The following PDZD2 variants were observed in gnomAD, a reference collection of about 807,000 sequenced individuals.
The protein encoded by PDZD2 is PDZ domain containing 2.
Under a neutral mutation model 220.7 loss-of-function variants are expected in PDZD2, and 90 were observed. The ratio of observed to expected loss-of-function variants is 0.41; its 90% CI spans 0.34 to 0.49. The LOEUF is 0.49. Among genes scored for constraint, PDZD2 ranks in the 20% least tolerant of loss-of-function variants. The pLI, the probability that PDZD2 is intolerant of heterozygous loss-of-function variation, is 0.28. For missense variants in PDZD2, 3,174 were observed against 3,608.5 expected, an observed-to-expected ratio of 0.88 and a Z score of 3.08; for synonymous variants, 1,375 against 1,450.5, an observed-to-expected ratio of 0.95 and a Z score of 1.18.
rs1283548522 is a variant in PDZD2 at position 32,091,155 on chromosome 5, T to C, written c.7707T>C (p.Phe2569=). The C allele has an allele frequency of 5.1e-6, 8 of 1,570,902 alleles. No individual in the cohort carries two copies. Among genetic ancestry groups the C allele is most frequent in the Middle Eastern group, 1.7e-4 (1 of 5,852 alleles). The change falls in exon 20 of 25, where the codon TTT becomes TTC. Residue 2569 remains phenylalanine, a synonymous_variant. Transcript: ENST00000438447. ...GTGAAGCTGCCCAGGATCTGCCTTT[T>C]AGAAGAAGCTGGTCAGTTAAGTAAG... ...DTGEAAQDLP[F]RRSWSVNLDQ...
chr5:31,929,755 A>G (rs1745089230), intron 2 of PDZD2, among the ~76,000 whole-genome samples: 1 of 604 alleles, frequency 1.7e-3, no homozygotes, highest in South Asian at 0.056. Flanking sequence ...GGGAGGCTGA[A>G]AAAAAAAAGC....
At chr5:31,730,001 T>A (rs949624795) in intron 1 of PDZD2, among the ~76,000 whole-genome samples, 3 of 152,180 alleles carry the variant, frequency 2.0e-5, no homozygotes, top group African/African-American at 7.2e-5. Context: ...CTAATTTTTG[T>A]ATTTTTAGTA....
At chr5:32,070,906 A>AATTGCTTGAACCC (rs1581420091) in intron 15 of PDZD2, among the ~76,000 whole-genome samples, 4 of 151,814 alleles carry the variant, frequency 2.6e-5, no homozygotes, top group Admixed American at 6.6e-5. Flanking sequence ...GAGACAGGAG[A>AATTGCTTGAACCC]GGTTTCAGTG....
intron 2 of PDZD2, among the ~76,000 whole-genome samples, chr5:31,978,234 T>C (rs1449644056): frequency 3.9e-5 from 6 of 152,206 alleles, no homozygotes; most frequent in African/African-American, 1.4e-4. Flanking sequence ...GACATGATTG[T>C]ATTCCATTTC....
At chr5:31,858,838 C>T (rs111407717) in intron 2 of PDZD2, among the ~76,000 whole-genome samples, 22 of 152,212 alleles carry the variant, frequency 1.4e-4, no homozygotes, top group Admixed American at 5.2e-4. Context: ...TGTGCCTCAG[C>T]CTCCCAAGTA....
At chr5:31,655,213 C>T (rs527761609) in intron 1 of PDZD2, among the ~76,000 whole-genome samples, 1 of 151,468 alleles carries the variant, frequency 6.6e-6, no homozygotes, top group African/African-American at 2.4e-5. Flanking sequence ...CACTCTGTCA[C>T]CCAGGCTGGA....
At chr5:31,962,452 C>T (rs1313311836) in intron 2 of PDZD2, among the ~76,000 whole-genome samples, 1 of 150,508 alleles carries the variant, frequency 6.6e-6, no homozygotes, top group Non-Finnish European at 1.5e-5. Context: ...AGGGCGGCAA[C>T]GAGTCTCTTA....
rs60867902 is a variant in PDZD2, at chr5:31,961,368, C to CAAAA, written c.477-21773_477-21770dup. On this transcript the variant is annotated intron_variant, in intron 2 of 24. Coordinates refer to ENST00000438447, the MANE Select transcript of PDZD2 (RefSeq NM_178140.4). ...GAAACATGGCGAAACTCCGTCTCTACAAAAAAAAAAAAAAAAATTAGCCAG... is the reference window on the plus strand; with the variant it reads ...GAAACATGGCGAAACTCCGTCTCTACAAAAAAAAAAAAAAAAAAAAATTAGCCAG... Among the ~76,000 whole-genome samples the CAAAA allele has an allele frequency of 9.9e-5, 13 of 130,744 alleles. 4 individuals are homozygous for CAAAA. The highest frequency in any genetic ancestry group is 5.0e-4 in the South Asian group (2 of 3,974). 85.8% of individuals were successfully genotyped at this position (130,744 alleles called of 152,430 possible). A position where few individuals can be genotyped will look rare whatever the true frequency, so the allele number is the denominator to read the frequency against.
Position 32,089,496 on chromosome 5 carries a change from C to T in PDZD2, c.6048C>T (p.Thr2016=). 6.2e-7 allele frequency: 1 copy of T among 1,613,240 alleles called. No homozygotes were observed. The highest frequency in any genetic ancestry group is 8.5e-7 in the Non-Finnish European group (1 of 1,180,006). Reference sequence around the variant, plus strand: ...AACCCGACAGAGGTTGCCCAACCACCCCTAAATCTCCTAAGTGTAGAGCAG... The same window carrying T: ...AACCCGACAGAGGTTGCCCAACCACTCCTAAATCTCCTAAGTGTAGAGCAG... ...LSEPDRGCPT[T]PKSPKCRAEG... Residue 2016 remains threonine (T), a synonymous_variant, in exon 20 of 25, where the codon ACC becomes ACT. Transcript: ENST00000438447.
chr5:31,999,432 G>A (rs1404287944), intron 4 of PDZD2, among the ~76,000 whole-genome samples: 2 of 152,004 alleles, frequency 1.3e-5, no homozygotes, highest in African/African-American at 2.4e-5. Context: ...AGGATCACTT[G>A]AGCCCAGGAG....
At position 32,090,916 on chromosome 5, in the gene PDZD2, A is replaced by G. The variant is rs369344523; in HGVS notation, c.7468A>G (p.Met2490Val). 6 of 1,614,026 alleles carry G rather than the reference A, an allele frequency of 3.7e-6. No individual in the cohort carries two copies. Among genetic ancestry groups the G allele is most frequent in the Non-Finnish European group, 5.1e-6 (6 of 1,180,012 alleles). Residue 2490 changes from methionine (M) to valine (V), a missense_variant, in exon 20 of 25, where the codon ATG becomes GTG. Met to Val is a conservative substitution (Grantham distance 21, BLOSUM62 1). Around this residue, in one of 4 missense-constraint regions of PDZD2, gnomAD observed 631 missense variants for 789.9 expected, o/e 0.80. Coordinates refer to ENST00000438447, the MANE Select transcript of PDZD2 (RefSeq NM_178140.4). This position sits in a 1 kb window ranked among gnomAD's most constrained non-coding sequence, Gnocchi z 4.3. ...GCTCCAGGAGCTGAGAGCCTTGAGC[A>G]TGCCTGACCTTGACAAGCTCTGCAG... ...SKLQELRALSMPDLDKLCSED... is the reference protein window; with the variant it reads ...SKLQELRALSVPDLDKLCSED...
At chr5:31,915,134 A>G (rs7721616) in intron 2 of PDZD2, among the ~76,000 whole-genome samples, 8,530 of 152,194 alleles carry the variant, frequency 0.056, 718 homozygotes, top group East Asian at 0.35. Context: ...GAACTGTGCA[A>G]TGCTGCAAAG....
At chr5:32,002,294 CCATT>C (rs1752195034) in intron 5 of PDZD2, among the ~76,000 whole-genome samples, 1 of 152,054 alleles carries the variant, frequency 6.6e-6, no homozygotes, top group Admixed American at 6.6e-5. Flanking sequence ...AGACCACTGT[CCATT>C]CATAGGTCCT....
intron 1 of PDZD2, among the ~76,000 whole-genome samples, chr5:31,707,783 T>A (rs963611137): frequency 5.3e-5 from 8 of 152,118 alleles, no homozygotes; most frequent in African/African-American, 1.9e-4. Flanking sequence ...CCCACCACCA[T>A]GACCAGGTAA....
At chr5:31,875,446 C>T (rs142669396) in intron 2 of PDZD2, among the ~76,000 whole-genome samples, 2,454 of 151,584 alleles carry the variant, frequency 0.016, 24 homozygotes, top group Middle Eastern at 0.027. Context: ...ATTAGCTGGG[C>T]GTGGTCGCTC....
At chr5:31,827,149 G>A (rs891802125) in intron 2 of PDZD2, among the ~76,000 whole-genome samples, 2 of 152,112 alleles carry the variant, frequency 1.3e-5, no homozygotes, top group African/African-American at 2.4e-5. Flanking sequence ...GGGGTGAACC[G>A]GGAATCAGAA....
At chr5:31,806,317 G>C (rs2150237104) in intron 2 of PDZD2, among the ~76,000 whole-genome samples, 1 of 152,266 alleles carries the variant, frequency 6.6e-6, no homozygotes, top group South Asian at 2.1e-4. Flanking sequence ...CATCCTTTGA[G>C]AAAGAACAAA....
intron 2 of PDZD2, among the ~76,000 whole-genome samples, chr5:31,802,288 T>A (rs1397005042): frequency 6.6e-6 from 1 of 152,202 alleles, no homozygotes; most frequent in Non-Finnish European, 1.5e-5. Flanking sequence ...GACACTTTTT[T>A]ATCTATCTGA....
rs1372859126 is a variant in PDZD2, at chr5:32,022,204, T to G, written c.1407+11722T>G. ...TTTTTTGTTTTTTTGTTTTTTGTTTTTTTTTGGAGTTGGGGGATGGAGTCT... is the reference window on the plus strand; with the variant it reads ...TTTTTTGTTTTTTTGTTTTTTGTTTGTTTTTGGAGTTGGGGGATGGAGTCT... On this transcript the variant is annotated intron_variant, in intron 6 of 24. Coordinates refer to ENST00000438447, the MANE Select transcript of PDZD2 (RefSeq NM_178140.4). Among the ~76,000 whole-genome samples the G allele has an allele frequency of 1.4e-4, 21 of 150,512 alleles. No individual in the cohort carries two copies. The South Asian group carries it at 2.7e-3, about 20-fold the overall frequency.
Sources: allele counts gnomAD v4.1 joint callset (sites outside exome capture counted in the v4.1 genomes callset), GRCh38; gene constraint gnomAD v4.1.1; regional missense constraint gnomAD v4.1.1; non-coding constraint Gnocchi (gnomAD v3.1); transcripts MANE v1.5; gene names NCBI Gene and HGNC (gene_info 2026-07-23, HGNC 2026-07-21).